The following OPRM1 variants were observed in gnomAD, a reference collection of about 807,000 sequenced individuals.
OPRM1 encodes the protein mu-type opioid receptor.
OPRM1 carries 27 observed loss-of-function variants against 31.8 expected under a neutral mutation model. The observed-to-expected ratio is 0.85, with a 90% CI of 0.63 to 1.17. The LOEUF (loss-of-function observed/expected upper bound fraction) is 1.17, where lower values mean the gene tolerates loss of function less well. OPRM1 is among the 50% of genes most tolerant of loss of function. The pLI is 0.00. For missense variants in OPRM1, 536 were observed against 511.1 expected (o/e 1.05, Z -0.47); for synonymous variants, 196 against 189.9 (o/e 1.03, Z -0.26).
At chr6:154,034,473 G>A (rs1331856916), upstream of OPRM1, among the ~76,000 whole-genome samples, 1 of 152,138 alleles carries the variant, frequency 6.6e-6, no homozygotes, top group African/African-American at 2.4e-5. Context: ...GCGTGAACTC[G>A]GGAGGTGGAG....
intron 1 of OPRM1, among the ~76,000 whole-genome samples, chr6:154,064,334 GTTGT>G (rs928524080): frequency 2.0e-4 from 31 of 152,032 alleles, no homozygotes; most frequent in African/African-American, 7.2e-4. Context: ...TTTAAATTGG[GTTGT>G]TTGTTTTCTG....
At chr6:154,028,383 C>T (rs895252615) in intron 1 of OPRM1, among the ~76,000 whole-genome samples, 10 of 152,164 alleles carry the variant, frequency 6.6e-5, no homozygotes, top group African/African-American at 1.9e-4. Flanking sequence ...CTTCCTTCTC[C>T]TCTCGTAGAG....
At chr6:154,149,722 G>T (rs60263308) in intron 3 of OPRM1, among the ~76,000 whole-genome samples, 9,917 of 151,782 alleles carry the variant, frequency 0.065, 945 homozygotes, top group African/African-American at 0.21. Flanking sequence ...AATCTCCCAA[G>T]ATCTTCCAAG....
intron 3 of OPRM1, among the ~76,000 whole-genome samples, chr6:154,140,839 A>G (rs1424332559): frequency 6.6e-6 from 1 of 152,160 alleles, no homozygotes; most frequent in Non-Finnish European, 1.5e-5. Context: ...CCACTTCCTA[A>G]CTACTCAGAT....
intron 3 of OPRM1, among the ~76,000 whole-genome samples, chr6:154,170,822 A>G (rs1799812778): frequency 6.6e-6 from 1 of 152,120 alleles, no homozygotes; most frequent in African/African-American, 2.4e-5. Flanking sequence ...ATAAATTGGA[A>G]CCCTCATACA....
intron 3 of OPRM1, among the ~76,000 whole-genome samples, chr6:154,105,416 G>C (rs1038088246): frequency 1.3e-5 from 2 of 152,194 alleles, no homozygotes; most frequent in Non-Finnish European, 2.9e-5. Flanking sequence ...TGACATTCAT[G>C]AACATTCCAT....
chr6:154,032,503 A>C (rs1779068851), intron 1 of OPRM1, among the ~76,000 whole-genome samples: 1 of 152,212 alleles, frequency 6.6e-6, no homozygotes, highest in African/African-American at 2.4e-5. Context: ...TGGCACAATC[A>C]TACCTTACTG....
At chr6:154,142,917 C>G (rs1273118482) in intron 3 of OPRM1, among the ~76,000 whole-genome samples, 2 of 152,156 alleles carry the variant, frequency 1.3e-5, no homozygotes, top group Non-Finnish European at 2.9e-5. Flanking sequence ...GAGGTTCCCC[C>G]AATTCCATCA....
intron 3 of OPRM1, among the ~76,000 whole-genome samples, chr6:154,206,596 T>C (rs374562001): frequency 0.022 from 1,927 of 87,826 alleles, 43 homozygotes; most frequent in African/African-American, 0.095. Flanking sequence ...CAGATTGTGA[T>C]AACAACATGA....
chr6:154,104,714 G>T (rs1434900587), intron 3 of OPRM1, among the ~76,000 whole-genome samples: 1 of 152,060 alleles, frequency 6.6e-6, no homozygotes, highest in Non-Finnish European at 1.5e-5. Context: ...TATTATACAT[G>T]ACCTGATTAT....
At chr6:154,056,898 C>T (rs1783420123) in intron 1 of OPRM1, among the ~76,000 whole-genome samples, 1 of 152,092 alleles carries the variant, frequency 6.6e-6, no homozygotes, top group African/African-American at 2.4e-5. Context: ...GGAAAGAAAA[C>T]CACATGGGCT....
At chr6:154,055,460 T>C (rs1009824029) in intron 1 of OPRM1, among the ~76,000 whole-genome samples, 2 of 151,920 alleles carry the variant, frequency 1.3e-5, no homozygotes, top group Non-Finnish European at 2.9e-5. Context: ...TTTTCTTCCC[T>C]CCCACTGCAC....
At position 154,082,822 on chromosome 6, in the gene OPRM1, C is replaced by A. The variant is rs527768937; in HGVS notation, c.291-7004C>A. Among the ~76,000 whole-genome samples, 4 of 152,196 alleles carry A rather than the reference C, an allele frequency of 2.6e-5. No homozygotes were observed. The South Asian group carries it at 8.3e-4, about 32-fold the overall frequency. ...GATGCTCTGATGCTGTTTTCAAAGT[C>A]TTTAGTCCAAAAAAATAAATATTCT... On this transcript the variant is annotated intron_variant, in intron 1 of 3. Transcript: ENST00000330432.
intron 3 of OPRM1, among the ~76,000 whole-genome samples, chr6:154,206,193 T>C (rs1777481314): frequency 6.6e-6 from 1 of 152,204 alleles, no homozygotes; most frequent in Admixed American, 6.5e-5. Context: ...TCATGAAACA[T>C]AAGCAGCTTG....
intron 3 of OPRM1, among the ~76,000 whole-genome samples, chr6:154,185,578 T>G (rs967946540): frequency 6.6e-6 from 1 of 152,208 alleles, no homozygotes; most frequent in African/African-American, 2.4e-5. Context: ...GCTTTGATTT[T>G]AACACAAAAT....
intron 3 of OPRM1, among the ~76,000 whole-genome samples, chr6:154,114,279 C>T: frequency 6.6e-6 from 1 of 152,186 alleles, no homozygotes; most frequent in African/African-American, 2.4e-5. Context: ...GAGTCTTAGT[C>T]CACATCATTT....
chr6:154,108,958 A>G, intron 3 of OPRM1: 4 of 985,188 alleles, frequency 4.1e-6, no homozygotes, highest in Non-Finnish European at 3.6e-6. Flanking sequence ...AGCACATAAG[A>G]AATAAGTCAT....
At chr6:154,204,991 G>A (rs1262092411) in intron 3 of OPRM1, among the ~76,000 whole-genome samples, 1 of 152,024 alleles carries the variant, frequency 6.6e-6, no homozygotes, top group Admixed American at 6.6e-5. Context: ...TGCCAGAAAG[G>A]CTTCCCTGTG....
chr6:154,119,413 T>C lies in OPRM1; in HGVS notation c.*692T>C. 1.0e-6 allele frequency: 1 copy of C among 985,190 alleles called. No individual in the cohort carries two copies. Among genetic ancestry groups the C allele is most frequent in the Non-Finnish European group, 1.2e-6 (1 of 829,870 alleles). 61.0% of individuals were successfully genotyped at this position (985,190 alleles called of 1,614,324 possible). ...ATGCACTGCAAATACTTCCAAAGAG[T>C]CATCATGGGGGATTTTTCATTCTTA... is the stretch of plus-strand genomic sequence containing the variant. On this transcript the variant is annotated 3_prime_UTR_variant, in exon 4 of 4. Coordinates refer to ENST00000330432, the MANE Select transcript of OPRM1 (RefSeq NM_000914.5).
Sources: gnomAD v4.1 joint callset for allele counts (sites outside exome capture counted in the v4.1 genomes callset) on GRCh38, gnomAD v4.1.1 for gene constraint, MANE v1.5 for transcripts, NCBI Gene and HGNC (gene_info 2026-07-23, HGNC 2026-07-21) for gene names.